The following NLGN4X variants were observed in gnomAD, a reference collection of about 807,000 sequenced individuals.
NLGN4X encodes neuroligin-4, X-linked.
NLGN4X carries 3 observed loss-of-function variants against 40.3 expected under a neutral mutation model. The observed-to-expected ratio is 0.07, with a 90% confidence interval of 0.03 to 0.19. The LOEUF (loss-of-function observed/expected upper bound fraction) is 0.19. Ranked by LOEUF, NLGN4X falls within the 10% of genes least tolerant of loss-of-function variation. The pLI is 1.00. For synonymous variants in NLGN4X, 270 were observed against 306.8 expected (o/e 0.88, Z 1.25); for missense variants, 382 against 708.3 (o/e 0.54, Z 5.23).
intron 2 of NLGN4X, among the ~76,000 whole-genome samples, chrX:6,109,188 C>T (rs373027397): frequency 5.0e-4 from 56 of 111,331 alleles, no homozygotes; most frequent in African/African-American, 1.8e-3. Flanking sequence ...GTCGTTTGAG[C>T]CCAGGAGTTC....
intron 1 of NLGN4X, among the ~76,000 whole-genome samples, chrX:6,179,349 T>C (rs1182736028): frequency 9.0e-6 from 1 of 111,675 alleles, no homozygotes; most frequent in African/African-American, 3.3e-5. Flanking sequence ...AATATTCATA[T>C]AGCCAAGAGG....
intron 2 of NLGN4X, among the ~76,000 whole-genome samples, chrX:6,136,665 A>G (rs1279412845): frequency 8.9e-6 from 1 of 112,520 alleles, no homozygotes; most frequent in African/African-American, 3.2e-5. Flanking sequence ...ATGCTTATGT[A>G]ACATAATCAT....
intron 3 of NLGN4X, among the ~76,000 whole-genome samples, chrX:5,978,765 A>G: frequency 8.9e-6 from 1 of 111,735 alleles, no homozygotes; most frequent in East Asian, 2.8e-4. Context: ...ATGTTGACTT[A>G]TGTATACAGT....
At chrX:6,082,964 T>TTTTTTG in intron 2 of NLGN4X, among the ~76,000 whole-genome samples, 1 of 87,466 alleles carries the variant, frequency 1.1e-5, no homozygotes, top group African/African-American at 4.3e-5. Flanking sequence ...TTCTTTTTTT[T>TTTTTTG]TTTTTTTTTT....
chrX:6,166,195 T>C (rs1391158238), intron 1 of NLGN4X, among the ~76,000 whole-genome samples: 1 of 112,238 alleles, frequency 8.9e-6, no homozygotes, highest in Non-Finnish European at 1.9e-5. Flanking sequence ...TCCAGGTACT[T>C]AGCACACAAT....
At chrX:6,171,467 A>G (rs1290005788) in intron 1 of NLGN4X, among the ~76,000 whole-genome samples, 1 of 112,113 alleles carries the variant, frequency 8.9e-6, no homozygotes, top group Non-Finnish European at 1.9e-5. Flanking sequence ...TCTTCTGTGA[A>G]GGCCACTGTT....
chrX:6,077,256 T>C (rs1233374443), intron 2 of NLGN4X, among the ~76,000 whole-genome samples: 1 of 106,676 alleles, frequency 9.4e-6, no homozygotes, highest in Non-Finnish European at 1.9e-5. Context: ...GTTATTACAT[T>C]CCAAAATTTT....
intron 3 of NLGN4X, among the ~76,000 whole-genome samples, chrX:5,960,597 A>G (rs919596537): frequency 5.7e-4 from 64 of 111,836 alleles, no homozygotes; most frequent in Non-Finnish European, 7.0e-4. Context: ...ACATCATAAG[A>G]AAATATATAA....
intron 3 of NLGN4X, among the ~76,000 whole-genome samples, chrX:6,006,554 G>T (rs1322349863): frequency 9.0e-6 from 1 of 111,125 alleles, no homozygotes; most frequent in Non-Finnish European, 1.9e-5. Flanking sequence ...ACCAAAGTTA[G>T]ACATCAAACA....
intron 2 of NLGN4X, among the ~76,000 whole-genome samples, chrX:6,067,106 C>T (rs1455927486): frequency 1.6e-5 from 1 of 62,691 alleles, no homozygotes; most frequent in East Asian, 3.4e-4. Flanking sequence ...GAGATACAGT[C>T]CCCCCCCCAA....
At chrX:6,010,266 T>A (rs759518827) in intron 3 of NLGN4X, among the ~76,000 whole-genome samples, 3 of 109,755 alleles carry the variant, frequency 2.7e-5, no homozygotes, top group African/African-American at 9.9e-5. Flanking sequence ...GTTAGTGTTG[T>A]TGTCATGAAT....
At chrX:6,076,028 A>G (rs1271302235) in intron 2 of NLGN4X, among the ~76,000 whole-genome samples, 1 of 111,362 alleles carries the variant, frequency 9.0e-6, no homozygotes, top group Non-Finnish European at 1.9e-5. Flanking sequence ...CAGAAACACA[A>G]AATTTTCCCA....
intron 3 of NLGN4X, among the ~76,000 whole-genome samples, chrX:5,926,820 ACAC>A (rs896260918): frequency 8.2e-5 from 9 of 109,264 alleles, no homozygotes; most frequent in African/African-American, 3.0e-4. Flanking sequence ...ACACACACAC[ACAC>A]ACGTTCTTAT....
At chrX:5,996,791 G>T (rs765285713) in intron 3 of NLGN4X, among the ~76,000 whole-genome samples, 1 of 110,278 alleles carries the variant, frequency 9.1e-6, no homozygotes, top group Non-Finnish European at 1.9e-5. Flanking sequence ...TAGAGATGGG[G>T]TTTCACCATG....
At chrX:5,917,211 A>G (rs2032843146) in intron 3 of NLGN4X, among the ~76,000 whole-genome samples, 1 of 112,632 alleles carries the variant, frequency 8.9e-6, no homozygotes, top group South Asian at 3.7e-4. Context: ...ACAAAGCTGC[A>G]CGGCTAGCTC....
At chrX:6,189,039 A>G (rs1335733007) in intron 1 of NLGN4X, among the ~76,000 whole-genome samples, 1 of 112,727 alleles carries the variant, frequency 8.9e-6, no homozygotes, top group Non-Finnish European at 1.9e-5. Context: ...TTACATTCAC[A>G]CATTCTTCAT....
rs147372335 is a variant in NLGN4X at position 6,135,648 on chromosome X, T to C, written c.472+15347A>G. On this transcript the variant is annotated intron_variant, in intron 2 of 5. Coordinates refer to ENST00000381095, the MANE Select transcript of NLGN4X (RefSeq NM_181332.3). ...TATCAATTCAAGTATCTCTTTCCAC[T>C]GGATATAGACATTGGTTGGCATGCA... is the stretch of plus-strand genomic sequence containing the variant. Among the ~76,000 whole-genome samples the C allele has an allele frequency of 6.6e-3, 734 of 111,592 alleles. 2 individuals are homozygous for C. The highest frequency in any genetic ancestry group is 0.021 in the African/African-American group (645 of 30,695).
chrX:5,995,067 C>T (rs1270772328), intron 3 of NLGN4X, among the ~76,000 whole-genome samples: 3 of 112,320 alleles, frequency 2.7e-5, no homozygotes, highest in Non-Finnish European at 5.6e-5. Flanking sequence ...ATCTTTGTAA[C>T]AGCTCCTCTA....
chrX:6,046,377 G>A (rs1347429996), intron 2 of NLGN4X, among the ~76,000 whole-genome samples: 1 of 111,391 alleles, frequency 9.0e-6, no homozygotes, highest in Non-Finnish European at 1.9e-5. Context: ...AACAAAGGAA[G>A]CTTTTTCCCA....
Sources: gnomAD v4.1 joint callset for allele counts (sites outside exome capture counted in the v4.1 genomes callset) on GRCh38, gnomAD v4.1.1 for gene constraint, MANE v1.5 for transcripts, NCBI Gene and HGNC (gene_info 2026-07-23, HGNC 2026-07-21) for gene names.